SLC4A4: variants seen among roughly 807,000 people sequenced by gnomAD.
SLC4A4 encodes the protein solute carrier family 4 member 4, also known as electrogenic sodium bicarbonate cotransporter 1.
In SLC4A4, 27 loss-of-function variants were observed where a neutral mutation model predicts 111.5. The observed-to-expected ratio is 0.24, with a 90% confidence interval of 0.18 to 0.33. The LOEUF is 0.33. SLC4A4 is among the 10% of genes least tolerant of loss of function. The probability of loss-of-function intolerance (pLI) is 1.00; values close to 1 mark genes in which losing one functional copy is unlikely to be tolerated. For synonymous variants in SLC4A4, 443 were observed against 463.4 expected (o/e 0.96, Z 0.57); for missense variants, 909 against 1,315.5 (o/e 0.69, Z 4.78).
chr4:71,166,765 T>C (rs746222111), intron 2 of SLC4A4, among the ~76,000 whole-genome samples: 1 of 152,230 alleles, frequency 6.6e-6, no homozygotes, highest in Non-Finnish European at 1.5e-5. Flanking sequence ...TTCAGATTCC[T>C]TGTCTGTCTC....
chr4:71,141,282 T>G (rs1186109399), intron 2 of SLC4A4, among the ~76,000 whole-genome samples: 1 of 152,208 alleles, frequency 6.6e-6, no homozygotes, highest in Non-Finnish European at 1.5e-5. Flanking sequence ...CAGTATGATC[T>G]TATAGCCACA....
chr4:71,331,247 T>A (rs903449525), intron 3 of SLC4A4, among the ~76,000 whole-genome samples: 1 of 152,126 alleles, frequency 6.6e-6, no homozygotes, highest in African/African-American at 2.4e-5. Flanking sequence ...ACCCAAAGGA[T>A]TATAAATCAT....
intron 12 of SLC4A4, among the ~76,000 whole-genome samples, chr4:71,456,321 C>CA (rs1442931529): frequency 1.3e-5 from 2 of 151,766 alleles, no homozygotes; most frequent in Non-Finnish European, 2.9e-5. Context: ...CAGTAAGTGG[C>CA]AAAAACACTG....
At chr4:71,199,236 C>T (rs1746143355) in intron 1 of SLC4A4, among the ~76,000 whole-genome samples, 1 of 152,162 alleles carries the variant, frequency 6.6e-6, no homozygotes, top group Admixed American at 6.5e-5. Context: ...TATCTCAGCT[C>T]TTGACCTTGA....
intron 2 of SLC4A4, among the ~76,000 whole-genome samples, chr4:71,238,704 C>T (rs966905627): frequency 2.0e-5 from 3 of 152,158 alleles, no homozygotes; most frequent in Non-Finnish European, 4.4e-5. Context: ...GACTGTCTTA[C>T]AGTACTAGCC....
At chr4:71,223,178 CT>C (rs1178320255) in intron 1 of SLC4A4, among the ~76,000 whole-genome samples, 102 of 144,590 alleles carry the variant, frequency 7.1e-4, no homozygotes, top group Middle Eastern at 3.6e-3. Flanking sequence ...CACTGATACT[CT>C]TTTTTTTTTT....
At chr4:71,422,608 A>G (rs1014087232) in intron 7 of SLC4A4, among the ~76,000 whole-genome samples, 3 of 152,084 alleles carry the variant, frequency 2.0e-5, no homozygotes, top group Admixed American at 1.3e-4. Context: ...GGCAAACCAA[A>G]TCCAGCAGCA....
chr4:71,242,232 G>T (rs1209952171), intron 2 of SLC4A4, among the ~76,000 whole-genome samples: 19 of 152,162 alleles, frequency 1.2e-4, no homozygotes, highest in Admixed American at 1.2e-3. Flanking sequence ...ATTGTGTTTG[G>T]CAAGGATCCA....
intron 3 of SLC4A4, among the ~76,000 whole-genome samples, chr4:71,314,007 T>C (rs373179002): frequency 6.6e-6 from 1 of 152,238 alleles, no homozygotes; most frequent in East Asian, 1.9e-4. Context: ...AGAAAATTTT[T>C]GCAATCTATC....
chr4:71,280,205 T>C (rs1181920345), intron 3 of SLC4A4, among the ~76,000 whole-genome samples: 1 of 152,278 alleles, frequency 6.6e-6, no homozygotes, highest in African/African-American at 2.4e-5. Flanking sequence ...GTTGGTTATT[T>C]GTATGTCTTC....
intron 1 of SLC4A4, among the ~76,000 whole-genome samples, chr4:71,220,581 C>G (rs1284587241): frequency 6.6e-6 from 1 of 152,120 alleles, no homozygotes; most frequent in Admixed American, 6.5e-5. Flanking sequence ...TTGATTGTCT[C>G]AAAATAGTTT....
chr4:71,271,598 A>ATATTTCTT (rs1235831645), intron 3 of SLC4A4, among the ~76,000 whole-genome samples: 1 of 152,362 alleles, frequency 6.6e-6, no homozygotes, highest in African/African-American at 2.4e-5. Context: ...AAAGAGGCAC[A>ATATTTCTT]ATCAGTTACA....
intron 1 of SLC4A4, among the ~76,000 whole-genome samples, chr4:71,076,579 A>G (rs1741836080): frequency 6.6e-6 from 1 of 152,028 alleles, no homozygotes; most frequent in African/African-American, 2.4e-5. Context: ...TTTAATGTGA[A>G]GGTTTGTTTC....
At chr4:71,129,095 A>G (rs1426524435) in intron 2 of SLC4A4, among the ~76,000 whole-genome samples, 1 of 152,236 alleles carries the variant, frequency 6.6e-6, no homozygotes, top group Non-Finnish European at 1.5e-5. Flanking sequence ...AAGTGCAACA[A>G]AAACAAAAAT....
At chr4:71,554,938 C>G (rs1736344221) in intron 20 of SLC4A4, among the ~76,000 whole-genome samples, 1 of 151,686 alleles carries the variant, frequency 6.6e-6, no homozygotes, top group Admixed American at 6.6e-5. Flanking sequence ...AATTGAAAGT[C>G]CATTATACCC....
chr4:71,322,833 C>A lies in SLC4A4; in HGVS notation c.254-16537C>A, dbSNP rs79161907. ...TTTCAATTAATAAGTGTTTTCTGTT[C>A]TGTTTATAGAAAGTGTCCTTTCTTT... On this transcript the variant is annotated intron_variant, in intron 3 of 25. Coordinates refer to ENST00000264485, the MANE Select transcript of SLC4A4 (RefSeq NM_001098484.3). Among the ~76,000 whole-genome samples the A allele has an allele frequency of 9.4e-4, 143 of 152,058 alleles. 2 individuals carry two copies. The highest frequency in any genetic ancestry group is 3.2e-3 in the African/African-American group (134 of 41,530).
chr4:71,178,282 TA>T (rs200183162), intron 2 of SLC4A4, among the ~76,000 whole-genome samples: 9,950 of 140,050 alleles, frequency 0.071, 313 homozygotes, highest in East Asian at 0.098. Flanking sequence ...ACTTAAAGTA[TA>T]AAAAAAAAAG....
chr4:71,155,397 A>G (rs1744430292), intron 2 of SLC4A4, among the ~76,000 whole-genome samples: 1 of 152,188 alleles, frequency 6.6e-6, no homozygotes, highest in African/African-American at 2.4e-5. Flanking sequence ...CTCATCTTTA[A>G]GATAGTCCAA....
At chr4:71,263,088 C>T (rs1721986960) in intron 3 of SLC4A4, among the ~76,000 whole-genome samples, 1 of 148,948 alleles carries the variant, frequency 6.7e-6, no homozygotes, top group Admixed American at 6.8e-5. Flanking sequence ...TGTTCAATTC[C>T]CACCTATGAG....
Sources: allele counts gnomAD v4.1 joint callset (sites outside exome capture counted in the v4.1 genomes callset), GRCh38; gene constraint gnomAD v4.1.1; transcripts MANE v1.5; gene names NCBI Gene and HGNC (gene_info 2026-07-23, HGNC 2026-07-21).